Variants in KLF12 observed in about 807,000 individuals in gnomAD.
The protein encoded by KLF12 is KLF transcription factor 12, also known as Krueppel-like factor 12.
Under a neutral mutation model 37.8 loss-of-function variants are expected in KLF12, and 9 were observed. The observed-to-expected ratio is 0.24, with a 90% CI of 0.14 to 0.42. KLF12 has a LOEUF of 0.42. KLF12 is among the 10% of genes least tolerant of loss of function. The pLI is 1.00. For synonymous variants in KLF12, 208 were observed against 202.1 expected, an observed-to-expected ratio of 1.03 and a Z score of -0.25; for missense variants, 411 against 516.0, an observed-to-expected ratio of 0.80 and a Z score of 1.97.
At chr13:74,209,295 G>T in the KLF12 span, among the ~76,000 whole-genome samples, 4,822 of 151,458 alleles carry the variant, frequency 0.032, 116 homozygotes, top group Middle Eastern at 0.071. Context: ...TAACTTTGAG[G>T]GCCAAACACC....
intron 3 of KLF12, among the ~76,000 whole-genome samples, chr13:73,893,039 A>C (rs1316717038): frequency 7.9e-5 from 12 of 151,548 alleles, no homozygotes; most frequent in Non-Finnish European, 1.8e-4. Flanking sequence ...AAAAAAAAAA[A>C]CCCTTTTCTT....
At chr13:73,744,874 A>G (rs1341089809) in intron 6 of KLF12, among the ~76,000 whole-genome samples, 1 of 152,124 alleles carries the variant, frequency 6.6e-6, no homozygotes, top group Non-Finnish European at 1.5e-5. Flanking sequence ...AGTTGAGTTT[A>G]CCTTTGATGA....
chr13:73,778,357 G>A (rs1273342384), intron 5 of KLF12, among the ~76,000 whole-genome samples: 1 of 151,788 alleles, frequency 6.6e-6, no homozygotes, highest in Non-Finnish European at 1.5e-5. Context: ...TTTCTTTTTT[G>A]TTTTTCTTGA....
At chr13:73,717,481 AT>A (rs1875903728) in intron 6 of KLF12, among the ~76,000 whole-genome samples, 2 of 152,112 alleles carry the variant, frequency 1.3e-5, no homozygotes, top group African/African-American at 2.4e-5. Context: ...GCTCCAGTGA[AT>A]TTTTTCTGAA....
intron 1 of KLF12, among the ~76,000 whole-genome samples, chr13:74,062,196 T>TA (rs1873635444): frequency 6.6e-6 from 1 of 151,496 alleles, no homozygotes; most frequent in African/African-American, 2.4e-5. Flanking sequence ...TTCCTTATTG[T>TA]AAAAAACGAC....
chr13:73,710,641 G>A (rs925705584), intron 7 of KLF12, among the ~76,000 whole-genome samples: 5 of 152,064 alleles, frequency 3.3e-5, no homozygotes, highest in African/African-American at 9.7e-5. Context: ...TACCCAAGAC[G>A]GCAAACTTAA....
chr13:73,908,672 G>C lies in KLF12; in HGVS notation c.123+35309C>G, dbSNP rs187554922. Among the ~76,000 whole-genome samples, 215 of 151,900 alleles carry C rather than the reference G, an allele frequency of 1.4e-3. 1 individual carries two copies. Among genetic ancestry groups the C allele is most frequent in the African/African-American group, 4.3e-3 (179 of 41,478 alleles). Reference sequence around the variant, plus strand: ...ATATTTGTATTTTCGTAGAGACAGGGCTTCACCATATTGGCCAGGCTTGTA... The same window carrying C: ...ATATTTGTATTTTCGTAGAGACAGGCCTTCACCATATTGGCCAGGCTTGTA... On this transcript the variant is annotated intron_variant, in intron 3 of 7. Coordinates refer to ENST00000377669, the MANE Select transcript of KLF12 (RefSeq NM_007249.5).
chr13:74,127,356 G>A (rs897977579), intron 1 of KLF12, among the ~76,000 whole-genome samples: 19 of 152,216 alleles, frequency 1.2e-4, no homozygotes, highest in African/African-American at 4.3e-4. Context: ...GGGTGGAAAA[G>A]ACCATGATAG....
chr13:74,008,127 A>G (rs1892462038), intron 1 of KLF12, among the ~76,000 whole-genome samples: 1 of 152,222 alleles, frequency 6.6e-6, no homozygotes, highest in Admixed American at 6.5e-5. Flanking sequence ...CTGAACATTT[A>G]CTGAGGCATA....
At chr13:74,035,009 A>G (rs984336934) in intron 1 of KLF12, among the ~76,000 whole-genome samples, 1 of 152,124 alleles carries the variant, frequency 6.6e-6, no homozygotes, top group Admixed American at 6.5e-5. Context: ...ACACAGCCTC[A>G]CCAGTTTCCT....
At chr13:73,841,141 C>T (rs1884713490) in intron 4 of KLF12, among the ~76,000 whole-genome samples, 2 of 152,162 alleles carry the variant, frequency 1.3e-5, no homozygotes, top group South Asian at 2.1e-4. Context: ...TAGGGACTTG[C>T]TCATTTTGGG....
At chr13:74,255,481 G>A in the KLF12 span, among the ~76,000 whole-genome samples, 1 of 152,128 alleles carries the variant, frequency 6.6e-6, no homozygotes, top group Non-Finnish European at 1.5e-5. Flanking sequence ...TTTAACAGCA[G>A]GCTACTAATC....
chr13:73,775,445 G>A (rs1248375181), intron 5 of KLF12, among the ~76,000 whole-genome samples: 1 of 152,126 alleles, frequency 6.6e-6, no homozygotes, highest in Non-Finnish European at 1.5e-5. Context: ...CCTATATCAT[G>A]GAACTGACAT....
intron 3 of KLF12, among the ~76,000 whole-genome samples, chr13:73,855,896 C>G (rs974718235): frequency 1.3e-5 from 2 of 152,180 alleles, no homozygotes; most frequent in African/African-American, 4.8e-5. Flanking sequence ...AATACATTCA[C>G]ATAAACCAAC....
chr13:73,692,075 A>G lies in KLF12; in HGVS notation c.*3415T>C, dbSNP rs1349433470. The G allele has an allele frequency of 6.6e-6, 1 of 152,588 alleles. No individual in the cohort carries two copies. The highest frequency in any genetic ancestry group is 2.4e-5 in the African/African-American group (1 of 41,452). The allele number at this position is 152,588 out of a possible 1,614,324, so 9.5% of individuals were successfully genotyped here. On this transcript the variant is annotated 3_prime_UTR_variant, in exon 8 of 8. Transcript: ENST00000377669. ...TTGCTGTTACTCAACTGCTTTTGAA[A>G]ACAAATGTCCTATAGTGTTTTATAG...
At chr13:74,270,120 T>C in the KLF12 span, among the ~76,000 whole-genome samples, 1 of 152,212 alleles carries the variant, frequency 6.6e-6, no homozygotes, top group Non-Finnish European at 1.5e-5. Flanking sequence ...TCCTGCTTAC[T>C]AGGGGGAGCC....
chr13:74,132,180 A>G (rs1410429051), intron 1 of KLF12, among the ~76,000 whole-genome samples: 1 of 152,196 alleles, frequency 6.6e-6, no homozygotes, highest in Non-Finnish European at 1.5e-5. Context: ...AGCGTTTCTT[A>G]GAAGACGGTA....
At chr13:73,716,682 G>T (rs773371461) in intron 6 of KLF12, among the ~76,000 whole-genome samples, 27 of 151,354 alleles carry the variant, frequency 1.8e-4, no homozygotes, top group Non-Finnish European at 3.4e-4. Flanking sequence ...CATTTTTTTT[G>T]TGTGTTTTTT....
At chr13:74,149,243 T>C in the KLF12 span, among the ~76,000 whole-genome samples, 1 of 152,208 alleles carries the variant, frequency 6.6e-6, no homozygotes, top group Non-Finnish European at 1.5e-5. Context: ...TAACTGTAGA[T>C]TTATATATTC....
Sources: allele counts gnomAD v4.1 joint callset (sites outside exome capture counted in the v4.1 genomes callset), GRCh38; gene constraint gnomAD v4.1.1; transcripts MANE v1.5; gene names NCBI Gene and HGNC (gene_info 2026-07-23, HGNC 2026-07-21).